The following SETD2 variants were observed in gnomAD, a reference collection of about 807,000 sequenced individuals.
SETD2 encodes the protein SET domain containing 2, histone lysine methyltransferase.
In SETD2, 31 loss-of-function variants were observed where a neutral mutation model predicts 242.1. The observed-to-expected ratio is 0.13, with a 90% confidence interval of 0.10 to 0.17. The LOEUF is 0.17. Among genes scored for constraint, SETD2 ranks in the 10% least tolerant of loss-of-function variants. SETD2 has a pLI of 1.00. For missense variants in SETD2, 2,481 were observed against 3,046.3 expected, an observed-to-expected ratio of 0.81 and a Z score of 4.37; for synonymous variants, 1,006 against 1,066.5, an observed-to-expected ratio of 0.94 and a Z score of 1.11.
At chr3:47,046,174 C>T (rs1309741482) in intron 16 of SETD2, among the ~76,000 whole-genome samples, 2 of 151,190 alleles carry the variant, frequency 1.3e-5, no homozygotes, top group African/African-American at 2.4e-5. Context: ...TCCGTCTCTA[C>T]TAAAAATACA....
chr3:47,091,206 G>A (rs2041789982), intron 9 of SETD2, among the ~76,000 whole-genome samples: 1 of 152,114 alleles, frequency 6.6e-6, no homozygotes, highest in Non-Finnish European at 1.5e-5. Flanking sequence ...AAGCCTTCCT[G>A]TGTCCCAAAT....
At chr3:47,044,299 CA>C (rs1361083011) in intron 16 of SETD2, among the ~76,000 whole-genome samples, 2 of 120,406 alleles carry the variant, frequency 1.7e-5, no homozygotes, top group Non-Finnish European at 3.2e-5. Flanking sequence ...GCCGCGAGAT[CA>C]AACCACTGTA....
intron 15 of SETD2, among the ~76,000 whole-genome samples, chr3:47,047,271 C>A (rs1474231167): frequency 6.6e-6 from 1 of 152,134 alleles, no homozygotes; most frequent in African/African-American, 2.4e-5. Flanking sequence ...TTAGTGCTGA[C>A]CACCATCAAA....
chr3:47,162,280 T>C (rs1390949820), intron 1 of SETD2, among the ~76,000 whole-genome samples: 1 of 152,024 alleles, frequency 6.6e-6, no homozygotes, highest in Non-Finnish European at 1.5e-5. Context: ...AATCGTGATA[T>C]AAAATTTTTT....
chr3:47,065,635 A>T (rs552698734), intron 13 of SETD2, among the ~76,000 whole-genome samples: 105 of 152,160 alleles, frequency 6.9e-4, no homozygotes, highest in Non-Finnish European at 1.2e-3. Flanking sequence ...GTCTCTACAA[A>T]AAATAAATAA....
rs545298234 is a variant in SETD2, at chr3:47,119,153, G to C, written c.4454+1029C>G. Among the ~76,000 whole-genome samples, 20 of 152,208 alleles carry C rather than the reference G, an allele frequency of 1.3e-4. 1 individual carries two copies. The highest frequency in any genetic ancestry group is 4.3e-4 in the African/African-American group (18 of 41,530). On this transcript the variant is annotated intron_variant, in intron 3 of 20. Transcript: ENST00000409792. ...CCAAAAAAGGAGAGTAAGGGGGCAG[G>C]ATACTTTTTGTTTTGGTTTTTTAAG...
chr3:47,151,467 GA>G (rs1171793503), intron 1 of SETD2, among the ~76,000 whole-genome samples: 1 of 151,982 alleles, frequency 6.6e-6, no homozygotes, highest in Non-Finnish European at 1.5e-5. Flanking sequence ...CGCACAACTG[GA>G]AAAAAAGTCC....
intron 1 of SETD2, among the ~76,000 whole-genome samples, chr3:47,136,024 T>A (rs1240394657): frequency 6.6e-6 from 1 of 152,160 alleles, no homozygotes; most frequent in Non-Finnish European, 1.5e-5. Flanking sequence ...TGTTGGCTCC[T>A]CCCACCCATC....
chr3:47,108,103 T>C (rs1029140277), intron 5 of SETD2, among the ~76,000 whole-genome samples: 5 of 151,848 alleles, frequency 3.3e-5, no homozygotes, highest in African/African-American at 1.2e-4. Flanking sequence ...CATGGTGAAA[T>C]CCCGTCTCTA....
At chr3:47,136,683 G>A (rs1487941140) in intron 1 of SETD2, among the ~76,000 whole-genome samples, 2 of 152,116 alleles carry the variant, frequency 1.3e-5, no homozygotes, top group African/African-American at 4.8e-5. Context: ...GCTGGGTGCC[G>A]TGGCTCACGC....
chr3:47,083,030 T>C (rs1006681997), intron 12 of SETD2, among the ~76,000 whole-genome samples: 2 of 152,232 alleles, frequency 1.3e-5, no homozygotes, highest in African/African-American at 4.8e-5. Context: ...AAATGAAATG[T>C]ACCACACCTC....
Position 47,046,522 on chromosome 3 carries a change from T to C in SETD2, c.7063A>G (p.Ile2355Val), listed in dbSNP as rs995303125. The C allele has an allele frequency of 4.3e-6, 7 of 1,612,052 alleles. No homozygotes were observed. In the African/African-American group the frequency reaches 5.3e-5, roughly 12 times the overall value. ...VVQPAAAVTTIVAPGQPQPLQ... is the reference protein window; with the variant it reads ...VVQPAAAVTTVVAPGQPQPLQ... ...GGCTGAGGCTGCCCTGGTGCAACTA[T>C]TGTAGTCACTGCTGCGGCTGGCTGT... The change falls in exon 16 of 21, where the codon ATA (isoleucine) becomes GTA (valine). Residue 2355 changes from isoleucine to valine, a missense_variant. By Grantham distance (29) the Ile-to-Val change is conservative. Around this residue, in one of 17 missense-constraint regions of SETD2, gnomAD observed 235 missense variants for 293.9 expected, o/e 0.80. Coordinates refer to ENST00000409792, the MANE Select transcript of SETD2 (RefSeq NM_014159.7).
chr3:47,154,216 C>T (rs2044070334), intron 1 of SETD2, among the ~76,000 whole-genome samples: 1 of 152,104 alleles, frequency 6.6e-6, no homozygotes, highest in African/African-American at 2.4e-5. Context: ...GGAGACCATC[C>T]TGGCCAACAT....
At chr3:47,163,772 G>A (rs1697580280) in intron 1 of SETD2, 82 bp downstream of exon 1, 10 of 1,167,166 alleles carry the variant, frequency 8.6e-6, no homozygotes, top group Non-Finnish European at 1.1e-5. Flanking sequence ...GCCGGCCCGC[G>A]CCGCCACCCG....
At chr3:47,138,695 A>G (rs942424917) in intron 1 of SETD2, among the ~76,000 whole-genome samples, 1 of 152,098 alleles carries the variant, frequency 6.6e-6, no homozygotes, top group African/African-American at 2.4e-5. Context: ...TGCTAGGATT[A>G]CAGGCGTGAG....
rs759377907 is a variant in SETD2, at chr3:47,096,571, C to CAA, written c.5142+1382_5142+1383dup. 6.9e-3 allele frequency among the ~76,000 whole-genome samples: 220 copies of CAA among 31,936 alleles called. 2 individuals are homozygous for CAA. Among genetic ancestry groups the CAA allele is most frequent in the African/African-American group, 0.027 (197 of 7,232 alleles). 21.0% of individuals were successfully genotyped at this position (31,936 alleles called of 152,430 possible). ...TAAGCAACAGAATGAGATTTTGCCT[C>CAA]AAAAAAAAAAAAAAAAAAAAAAAAA... On this transcript the variant is annotated intron_variant, in intron 9 of 20. Transcript: ENST00000409792.
intron 10 of SETD2, 118 bp from the exon 11 acceptor site, chr3:47,086,432 C>A (rs1427678048): frequency 6.7e-6 from 6 of 899,080 alleles, no homozygotes; most frequent in African/African-American, 1.7e-5. Flanking sequence ...CTTACATTCA[C>A]AAAAAAAACC....
In SETD2 at chr3:47,017,522, G is replaced by A; in HGVS notation, c.7533+116C>T. The A allele has an allele frequency of 1.2e-6, 1 of 821,184 alleles. No homozygotes were observed. The allele number at this position is 821,184 out of a possible 1,614,324, so 50.9% of individuals were successfully genotyped here. Reference sequence around the variant, plus strand: ...TTCCCTCCCCGTTCCTGGGTCCCCAGCTCTGACATCTGACAAGAAAAAAAA... The same window carrying A: ...TTCCCTCCCCGTTCCTGGGTCCCCAACTCTGACATCTGACAAGAAAAAAAA... On this transcript the variant is annotated intron_variant, in intron 20 of 20. Coordinates refer to ENST00000409792, the MANE Select transcript of SETD2 (RefSeq NM_014159.7). The surrounding 1 kb of genome is among the most constrained non-coding windows in gnomAD (Gnocchi z 4.8).
At chr3:47,141,198 G>C (rs961238990) in intron 1 of SETD2, among the ~76,000 whole-genome samples, 4 of 151,232 alleles carry the variant, frequency 2.6e-5, no homozygotes, top group Admixed American at 6.6e-5. Context: ...AGTAGGGATG[G>C]GGTTTCACCA....
Sources: gnomAD v4.1 joint callset for allele counts (sites outside exome capture counted in the v4.1 genomes callset) on GRCh38, gnomAD v4.1.1 for gene constraint, gnomAD v4.1.1 regional missense constraint, Gnocchi (gnomAD v3.1) non-coding constraint, MANE v1.5 for transcripts, NCBI Gene and HGNC (gene_info 2026-07-23, HGNC 2026-07-21) for gene names.